The following KLHL1 variants were observed in gnomAD, a reference collection of about 807,000 sequenced individuals.
KLHL1 encodes kelch-like protein 1.
KLHL1 carries 47 observed loss-of-function variants against 77.7 expected under a neutral mutation model. That is an observed-to-expected ratio of 0.60 (90% CI 0.48 to 0.77). The LOEUF (loss-of-function observed/expected upper bound fraction) is 0.77, where lower values mean the gene tolerates loss of function less well. Ranked by LOEUF, KLHL1 falls within the 30% of genes least tolerant of loss-of-function variation. KLHL1 has a pLI of 0.00. For missense variants in KLHL1, 925 were observed against 910.8 expected, an observed-to-expected ratio of 1.02 and a Z score of -0.20; for synonymous variants, 360 against 325.2, an observed-to-expected ratio of 1.11 and a Z score of -1.15.
intron 1 of KLHL1, among the ~76,000 whole-genome samples, chr13:70,083,616 A>T (rs998875936): frequency 6.6e-6 from 1 of 152,222 alleles, no homozygotes; most frequent in South Asian, 2.1e-4. Flanking sequence ...TGCTGTCTAA[A>T]TTATATGAGA....
chr13:70,107,622 A>G lies in KLHL1; in HGVS notation c.78T>C (p.Ser26=). 6.3e-7 allele frequency: 1 copy of G among 1,579,882 alleles called. No individual in the cohort carries two copies. Among genetic ancestry groups the G allele is most frequent in the Non-Finnish European group, 8.6e-7 (1 of 1,165,076 alleles). Residue 26 remains serine (S), a synonymous_variant, in exon 1 of 11, where the codon TCT becomes TCC. Transcript: ENST00000377844. ...CCCCCGCCGGGCCGCCGGTGGAAGG[A>G]GACGGGTGGCTGAAGAGTTTCCAGC... ...RLRWKLFSHP[S]PSTGGPAGGG...
At chr13:69,772,714 G>A (rs1366236233) in intron 7 of KLHL1, among the ~76,000 whole-genome samples, 2 of 152,112 alleles carry the variant, frequency 1.3e-5, no homozygotes, top group African/African-American at 4.8e-5. Flanking sequence ...ATAGGGTTTG[G>A]TTGCAATGGT....
At chr13:69,731,997 A>C (rs1444470352) in intron 8 of KLHL1, among the ~76,000 whole-genome samples, 1 of 152,176 alleles carries the variant, frequency 6.6e-6, no homozygotes, top group South Asian at 2.1e-4. Context: ...GACTTTAAAG[A>C]TGATAAAGAC....
chr13:70,064,644 T>C (rs1348541916), intron 1 of KLHL1, among the ~76,000 whole-genome samples: 1 of 152,184 alleles, frequency 6.6e-6, no homozygotes, highest in African/African-American at 2.4e-5. Context: ...CCTACCGTTG[T>C]AGTTGTAGTG....
At chr13:69,945,157 T>C (rs897940351) in intron 3 of KLHL1, among the ~76,000 whole-genome samples, 1 of 151,750 alleles carries the variant, frequency 6.6e-6, no homozygotes, top group Non-Finnish European at 1.5e-5. Context: ...AGCTAATTTT[T>C]TGTATGTTTA....
chr13:70,104,630 A>G (rs1182748588), intron 1 of KLHL1, among the ~76,000 whole-genome samples: 1 of 152,166 alleles, frequency 6.6e-6, no homozygotes, highest in Non-Finnish European at 1.5e-5. Flanking sequence ...ATTTAGCAGA[A>G]AAGTCAGAAT....
intron 7 of KLHL1, among the ~76,000 whole-genome samples, chr13:69,763,746 C>A (rs945887030): frequency 2.6e-4 from 40 of 152,186 alleles, no homozygotes; most frequent in African/African-American, 9.4e-4. Flanking sequence ...TGCACTAGGC[C>A]CCCACAGACC....
chr13:69,992,617 A>C (rs2137314853), intron 1 of KLHL1, among the ~76,000 whole-genome samples: 1 of 152,154 alleles, frequency 6.6e-6, no homozygotes. Flanking sequence ...ATTAGTCTGG[A>C]ATTCAAGTCA....
chr13:69,961,374 C>T lies in KLHL1; in HGVS notation c.751G>A (p.Glu251Lys). The T allele has an allele frequency of 1.9e-6, 3 of 1,613,144 alleles. No homozygotes were observed. The highest frequency in any genetic ancestry group is 2.5e-6 in the Non-Finnish European group (3 of 1,179,440). ...FTSDVCEAKQ[E>K]EIKMEGIDPN... The stretch of plus-strand genomic sequence containing the variant: ...TCTATGCCTTCCATTTTGATCTCCT[C>T]TTGCTTGGCTTCACAAACATCACTT... The change falls in exon 3 of 11, where the codon GAG (glutamate) becomes AAG (lysine). Residue 251 changes from glutamate (E) to lysine (K), a missense_variant. Glu to Lys is a moderately conservative substitution (Grantham distance 56). Coordinates refer to ENST00000377844, the MANE Select transcript of KLHL1 (RefSeq NM_020866.3).
intron 3 of KLHL1, among the ~76,000 whole-genome samples, chr13:69,943,606 T>C (rs1301034578): frequency 6.6e-6 from 1 of 152,154 alleles, no homozygotes; most frequent in Non-Finnish European, 1.5e-5. Context: ...AAGTATTCTA[T>C]AGGTTACAGA....
At chr13:69,918,268 C>G (rs1238017770) in intron 4 of KLHL1, among the ~76,000 whole-genome samples, 1 of 151,628 alleles carries the variant, frequency 6.6e-6, no homozygotes, top group African/African-American at 2.4e-5. Context: ...AATTTTAATA[C>G]TATAGCTTCT....
intron 4 of KLHL1, among the ~76,000 whole-genome samples, chr13:69,903,920 G>T (rs1264558052): frequency 6.6e-6 from 1 of 151,568 alleles, no homozygotes; most frequent in African/African-American, 2.4e-5. Flanking sequence ...GATTACAGGC[G>T]TGAGCCACCG....
At chr13:69,910,929 C>G (rs762844557) in intron 4 of KLHL1, among the ~76,000 whole-genome samples, 4 of 152,036 alleles carry the variant, frequency 2.6e-5, no homozygotes, top group Admixed American at 6.6e-5. Context: ...CTGAATGAAA[C>G]TTTACTACCA....
intron 10 of KLHL1, among the ~76,000 whole-genome samples, chr13:69,702,301 T>TGGCCGGGCGCG (rs1566348816): frequency 6.6e-6 from 1 of 151,752 alleles, no homozygotes; most frequent in Non-Finnish European, 1.5e-5. Flanking sequence ...TTTTCCATCT[T>TGGCCGGGCGCG]ATGACAATCA....
intron 8 of KLHL1, among the ~76,000 whole-genome samples, chr13:69,738,421 C>T (rs1359008146): frequency 3.9e-5 from 6 of 152,054 alleles, no homozygotes; most frequent in African/African-American, 1.4e-4. Context: ...GAGAAGCAGG[C>T]TTCAGAAGAT....
chr13:70,081,670 G>A (rs1013855226), intron 1 of KLHL1, among the ~76,000 whole-genome samples: 6 of 152,138 alleles, frequency 3.9e-5, no homozygotes, highest in Non-Finnish European at 1.5e-5. Context: ...ATGATCAATA[G>A]AGTTTAAACA....
At chr13:69,793,539 G>A (rs1392824315) in intron 7 of KLHL1, among the ~76,000 whole-genome samples, 1 of 151,302 alleles carries the variant, frequency 6.6e-6, no homozygotes, top group Non-Finnish European at 1.5e-5. Flanking sequence ...AGCTAGATAA[G>A]TCAAAACACA....
At chr13:69,935,207 T>TACTGGTGAACTTGGTACATAATTCACCC (rs1883142526) in intron 4 of KLHL1, among the ~76,000 whole-genome samples, 1 of 118,426 alleles carries the variant, frequency 8.4e-6, no homozygotes, top group Non-Finnish European at 1.7e-5. Context: ...ACATAGTTGG[T>TACTGGTGAACTTGGTACATAATTCACCC]ACTGGTGAAC....
At chr13:69,957,714 C>A (rs1050328109) in intron 3 of KLHL1, among the ~76,000 whole-genome samples, 2 of 151,690 alleles carry the variant, frequency 1.3e-5, no homozygotes, top group African/African-American at 4.8e-5. Context: ...ACTTAAGATA[C>A]CAATTATAAA....
Sources: allele counts gnomAD v4.1 joint callset (sites outside exome capture counted in the v4.1 genomes callset), GRCh38; gene constraint gnomAD v4.1.1; transcripts MANE v1.5; gene names NCBI Gene and HGNC (gene_info 2026-07-23, HGNC 2026-07-21).